The following SDK1 variants were observed in gnomAD, a reference collection of about 807,000 sequenced individuals.
SDK1 encodes protein sidekick-1.
SDK1 carries 157 observed loss-of-function variants against 245.5 expected under a neutral mutation model. The observed-to-expected ratio is 0.64, with a 90% confidence interval of 0.56 to 0.73. SDK1 has a LOEUF of 0.73. SDK1 is among the 30% of genes least tolerant of loss of function. The pLI is 0.00. For missense variants in SDK1, 3,583 were observed against 3,002.3 expected (o/e 1.19, Z -4.52); for synonymous variants, 1,647 against 1,278.5 (o/e 1.29, Z -6.15).
chr7:3,934,618 T>C (rs146480956), intron 5 of SDK1, among the ~76,000 whole-genome samples: 101 of 152,358 alleles, frequency 6.6e-4, no homozygotes, highest in African/African-American at 2.4e-3. Flanking sequence ...ACTTACTGTT[T>C]GCCAGATGCT....
chr7:4,217,740 T>G (rs988751122), intron 38 of SDK1, among the ~76,000 whole-genome samples: 1 of 152,208 alleles, frequency 6.6e-6, no homozygotes, highest in African/African-American at 2.4e-5. Flanking sequence ...TGGTGGTGGT[T>G]TATGGGATTG....
At chr7:3,973,413 C>T (rs1002393185) in intron 12 of SDK1, among the ~76,000 whole-genome samples, 6 of 152,164 alleles carry the variant, frequency 3.9e-5, no homozygotes, top group South Asian at 2.1e-4. Context: ...TGGCCCTGCC[C>T]GTGGTCATCT....
chr7:3,413,213 AAGAGTAGGCCT>A, intron 1 of SDK1, among the ~76,000 whole-genome samples: 1 of 152,264 alleles, frequency 6.6e-6, no homozygotes, highest in South Asian at 2.1e-4. Flanking sequence ...ATCTTGAGCC[AAGAGTAGGCCT>A]AGTGGTTCTA....
At chr7:3,945,028 C>G (rs979988385) in intron 5 of SDK1, among the ~76,000 whole-genome samples, 1 of 152,158 alleles carries the variant, frequency 6.6e-6, no homozygotes, top group Non-Finnish European at 1.5e-5. Flanking sequence ...GCAGGAGAAT[C>G]ACTTGAGCTT....
At chr7:4,104,315 C>T (rs1282236378) in intron 22 of SDK1, among the ~76,000 whole-genome samples, 1 of 152,242 alleles carries the variant, frequency 6.6e-6, no homozygotes, top group Non-Finnish European at 1.5e-5. Flanking sequence ...CCCGCTTTGG[C>T]CTCCTACAGT....
rs968689861 is a variant in SDK1, at chr7:3,676,600, C to T, written c.713+34495C>T. ...TTGGCCTCCCAAAGTGCTGGGATTACAGGCGTGAGCCACCACGCCTTGCCC... is the reference window on the plus strand; with the variant it reads ...TTGGCCTCCCAAAGTGCTGGGATTATAGGCGTGAGCCACCACGCCTTGCCC... On this transcript the variant is annotated intron_variant, in intron 4 of 44. Coordinates refer to ENST00000404826, the MANE Select transcript of SDK1 (RefSeq NM_152744.4). Among the ~76,000 whole-genome samples, 3 of 152,306 alleles carry T rather than the reference C, an allele frequency of 2.0e-5. No homozygotes were observed. In the East Asian group the frequency reaches 5.8e-4, roughly 29 times the overall value.
rs867478493 is a variant in SDK1 at position 4,052,174 on chromosome 7, C to G, written c.2911+344C>G. Among the ~76,000 whole-genome samples, 115 of 147,952 alleles carry G rather than the reference C, an allele frequency of 7.8e-4. 1 individual carries two copies. The highest frequency in any genetic ancestry group is 2.1e-3 in the South Asian group (9 of 4,208). ...CCCTCACCTGCTTCCATGATCCCCCCCCCCCCGACGTCCCCCAGCCCATTC... is the reference window on the plus strand; with the variant it reads ...CCCTCACCTGCTTCCATGATCCCCCGCCCCCCGACGTCCCCCAGCCCATTC... On this transcript the variant is annotated intron_variant, in intron 19 of 44. Coordinates refer to ENST00000404826, the MANE Select transcript of SDK1 (RefSeq NM_152744.4).
intron 1 of SDK1, among the ~76,000 whole-genome samples, chr7:3,616,310 G>A (rs1364345847): frequency 6.6e-6 from 1 of 152,198 alleles, no homozygotes; most frequent in Non-Finnish European, 1.5e-5. Context: ...AATGTGAGGT[G>A]GGCAGCATGG....
intron 22 of SDK1, among the ~76,000 whole-genome samples, chr7:4,098,638 G>C (rs1001952109): frequency 6.6e-6 from 1 of 151,754 alleles, no homozygotes; most frequent in Non-Finnish European, 1.5e-5. Flanking sequence ...AGGGATGTGA[G>C]AGGGAGGATG....
At chr7:3,608,550 C>T (rs1781493087) in intron 1 of SDK1, among the ~76,000 whole-genome samples, 4 of 152,132 alleles carry the variant, frequency 2.6e-5, no homozygotes, top group Non-Finnish European at 1.5e-5. Context: ...CTTGAATATG[C>T]CCACCATGAG....
chr7:3,559,336 A>G (rs1454405265), intron 1 of SDK1, among the ~76,000 whole-genome samples: 2 of 152,044 alleles, frequency 1.3e-5, no homozygotes, highest in Non-Finnish European at 2.9e-5. Flanking sequence ...AGTTGGAAGT[A>G]TTGTCCGCGG....
chr7:4,251,340 G>C (rs192999847), intron 44 of SDK1, among the ~76,000 whole-genome samples: 1 of 152,172 alleles, frequency 6.6e-6, no homozygotes, highest in Non-Finnish European at 1.5e-5. Flanking sequence ...AAATCACAAA[G>C]GGAAAATGTG....
intron 1 of SDK1, among the ~76,000 whole-genome samples, chr7:3,368,085 T>C (rs1188560254): frequency 1.3e-5 from 2 of 152,260 alleles, no homozygotes; most frequent in Non-Finnish European, 2.9e-5. Context: ...TAAGGAGTTC[T>C]ATCATATTTT....
At chr7:4,201,612 C>T (rs1372062531) in intron 35 of SDK1, among the ~76,000 whole-genome samples, 1 of 152,242 alleles carries the variant, frequency 6.6e-6, no homozygotes, top group Non-Finnish European at 1.5e-5. Flanking sequence ...TGGTCCAGTA[C>T]TGCTCTAGCC....
intron 1 of SDK1, among the ~76,000 whole-genome samples, chr7:3,378,962 G>T (rs1350768341): frequency 6.6e-6 from 1 of 152,100 alleles, no homozygotes; most frequent in East Asian, 1.9e-4. Context: ...GAGTCAGACA[G>T]TTCAAACGAG....
chr7:4,205,541 C>T (rs996397155), intron 35 of SDK1, among the ~76,000 whole-genome samples: 5 of 152,202 alleles, frequency 3.3e-5, no homozygotes, highest in African/African-American at 1.2e-4. Flanking sequence ...GATCTCATAC[C>T]TTTGGTTTCA....
chr7:4,062,320 TCTTA>T (rs1160865879), intron 19 of SDK1, among the ~76,000 whole-genome samples: 5 of 152,052 alleles, frequency 3.3e-5, no homozygotes, highest in African/African-American at 1.2e-4. Flanking sequence ...CATTTGAGAC[TCTTA>T]CTAACAACTA....
intron 44 of SDK1, among the ~76,000 whole-genome samples, chr7:4,254,630 C>CTT (rs745611023): frequency 9.0e-5 from 12 of 132,746 alleles, no homozygotes; most frequent in East Asian, 6.7e-4. Flanking sequence ...AAGCTACCTT[C>CTT]TTTTTTTTTT....
chr7:3,448,671 A>G (rs930330877), intron 1 of SDK1, among the ~76,000 whole-genome samples: 2 of 152,128 alleles, frequency 1.3e-5, no homozygotes. Flanking sequence ...ATTTTTGTAG[A>G]TATCTAGCCA....
Sources: allele counts gnomAD v4.1 joint callset (sites outside exome capture counted in the v4.1 genomes callset), GRCh38; gene constraint gnomAD v4.1.1; transcripts MANE v1.5; gene names NCBI Gene and HGNC (gene_info 2026-07-23, HGNC 2026-07-21).